The following BACH2 variants were observed in gnomAD, a reference collection of about 807,000 sequenced individuals.
BACH2 encodes BACH transcriptional regulator 2.
In BACH2, 5 loss-of-function variants were observed where a neutral mutation model predicts 61.8. The observed-to-expected ratio is 0.08, with a 90% CI of 0.04 to 0.17. The LOEUF is 0.17. Ranked by LOEUF, BACH2 falls within the 10% of genes least tolerant of loss-of-function variation. The pLI is 1.00. For synonymous variants in BACH2, 446 were observed against 440.1 expected, an observed-to-expected ratio of 1.01 and a Z score of -0.17; for missense variants, 824 against 1,091.1, an observed-to-expected ratio of 0.76 and a Z score of 3.45.
intron 4 of BACH2, among the ~76,000 whole-genome samples, chr6:90,124,036 T>C (rs1783748403): frequency 6.6e-6 from 1 of 152,080 alleles, no homozygotes; most frequent in Admixed American, 6.6e-5. Flanking sequence ...AACTGATATC[T>C]CCACTTAAGG....
chr6:90,026,192 A>C (rs1196800781), intron 5 of BACH2, among the ~76,000 whole-genome samples: 1 of 152,222 alleles, frequency 6.6e-6, no homozygotes, highest in African/African-American at 2.4e-5. Flanking sequence ...TGTCAAACCT[A>C]AGACACAGCC....
At chr6:90,235,556 C>T (rs1035175432) in intron 3 of BACH2, among the ~76,000 whole-genome samples, 2 of 152,206 alleles carry the variant, frequency 1.3e-5, no homozygotes, top group African/African-American at 4.8e-5. Context: ...GATTGTGGCA[C>T]AAGCCTGTAG....
intron 6 of BACH2, among the ~76,000 whole-genome samples, chr6:89,978,842 C>A (rs189918412): frequency 6.6e-6 from 1 of 152,114 alleles, no homozygotes; most frequent in Non-Finnish European, 1.5e-5. Flanking sequence ...TTATAAACAT[C>A]CCCTACTTTC....
intron 4 of BACH2, among the ~76,000 whole-genome samples, chr6:90,165,504 T>C (rs956992681): frequency 2.0e-5 from 3 of 152,122 alleles, no homozygotes; most frequent in African/African-American, 4.8e-5. Context: ...ATAGATTCAA[T>C]GCCATCCCCA....
chr6:90,108,081 C>T (rs116856488), intron 4 of BACH2, among the ~76,000 whole-genome samples: 38 of 152,244 alleles, frequency 2.5e-4, no homozygotes, highest in Non-Finnish European at 4.0e-4. Flanking sequence ...TTTTGCTCTC[C>T]GCTGAGTCTT....
At position 90,226,069 on chromosome 6, in the gene BACH2, C is replaced by T. The variant is rs529675622; in HGVS notation, c.-274-19388G>A. Among the ~76,000 whole-genome samples the T allele has an allele frequency of 2.6e-5, 4 of 152,194 alleles. No individual in the cohort carries two copies. In the South Asian group the frequency reaches 8.3e-4, roughly 32 times the overall value. On this transcript the variant is annotated intron_variant, in intron 3 of 8. Coordinates refer to ENST00000257749, the MANE Select transcript of BACH2 (RefSeq NM_021813.4). ...GCTGTAAAGTTTGAGAACCACTGCC[C>T]TACAGAAAAGGCCCTAAAATAGGAG...
intron 3 of BACH2, among the ~76,000 whole-genome samples, chr6:90,241,213 A>G (rs1770441950): frequency 4.0e-5 from 6 of 151,712 alleles, no homozygotes; most frequent in Admixed American, 2.0e-4. Context: ...TATGTATAAT[A>G]ATAATGTGAT....
intron 3 of BACH2, among the ~76,000 whole-genome samples, chr6:90,249,303 T>C (rs1488349061): frequency 2.0e-5 from 3 of 152,160 alleles, no homozygotes; most frequent in African/African-American, 7.2e-5. Context: ...ATAAAAATCC[T>C]GGCAGATGAT....
intron 6 of BACH2, among the ~76,000 whole-genome samples, chr6:89,980,533 A>G (rs1313401180): frequency 6.6e-6 from 1 of 152,212 alleles, no homozygotes; most frequent in Non-Finnish European, 1.5e-5. Context: ...GTCCAGGGAC[A>G]TAGCTAGACC....
chr6:89,976,445 T>C (rs1487943347), intron 6 of BACH2, among the ~76,000 whole-genome samples: 2 of 152,168 alleles, frequency 1.3e-5, no homozygotes, highest in Non-Finnish European at 2.9e-5. Flanking sequence ...CAAAACAAAC[T>C]TGAAAGATAT....
chr6:90,207,406 C>T lies in BACH2; in HGVS notation c.-274-725G>A, dbSNP rs142099945. Reference sequence around the variant, plus strand: ...CATGCTGGGATTATGAGCCACCATACCTGGCCAGTTTCAAGGTTAATTTGT... The same window carrying T: ...CATGCTGGGATTATGAGCCACCATATCTGGCCAGTTTCAAGGTTAATTTGT... On this transcript the variant is annotated intron_variant, in intron 3 of 8. Coordinates refer to ENST00000257749, the MANE Select transcript of BACH2 (RefSeq NM_021813.4). 7.7e-4 allele frequency among the ~76,000 whole-genome samples: 118 copies of T among 152,258 alleles called. 1 individual carries two copies. The East Asian group carries it at 0.019, about 24-fold the overall frequency.
At chr6:90,103,006 C>CATATATATATATATATATATATATAT (rs1250122835) in intron 4 of BACH2, among the ~76,000 whole-genome samples, 2 of 44,936 alleles carry the variant, frequency 4.5e-5, no homozygotes, top group South Asian at 9.9e-4. Context: ...TGACACAATA[C>CATATATATATATATATATATATATAT]ATATATATAT....
chr6:90,023,799 C>T (rs1778501110), intron 5 of BACH2, among the ~76,000 whole-genome samples: 1 of 152,168 alleles, frequency 6.6e-6, no homozygotes, highest in South Asian at 2.1e-4. Flanking sequence ...TGGCTGTCTG[C>T]AAACCTGGAA....
At chr6:90,082,420 T>C (rs1781761893) in intron 5 of BACH2, among the ~76,000 whole-genome samples, 2 of 152,034 alleles carry the variant, frequency 1.3e-5, no homozygotes, top group South Asian at 4.1e-4. Context: ...TCTGTTCTTA[T>C]AAGAGCTGAT....
At chr6:90,285,144 T>C (rs1267881280) in intron 1 of BACH2, among the ~76,000 whole-genome samples, 1 of 152,196 alleles carries the variant, frequency 6.6e-6, no homozygotes, top group Non-Finnish European at 1.5e-5. Flanking sequence ...CCGATGAAAA[T>C]AAGCAAAACT....
Position 90,018,504 on chromosome 6 carries a change from T to C in BACH2, c.-12-9648A>G, listed in dbSNP as rs1232868150. Among the ~76,000 whole-genome samples the C allele has an allele frequency of 2.6e-5, 4 of 152,224 alleles. No individual in the cohort carries two copies. The East Asian group carries it at 7.7e-4, about 29-fold the overall frequency. The stretch of plus-strand genomic sequence containing the variant: ...ATGTCTTAAAAATCATTATTTCATA[T>C]ATTTTATCTGTTTCTATAGTTGTTT... On this transcript the variant is annotated intron_variant, in intron 5 of 8. Coordinates refer to ENST00000257749, the MANE Select transcript of BACH2 (RefSeq NM_021813.4).
chr6:90,015,764 A>G (rs1000041064), intron 5 of BACH2, among the ~76,000 whole-genome samples: 7 of 152,186 alleles, frequency 4.6e-5, no homozygotes, highest in African/African-American at 1.7e-4. Context: ...TCCTGTAAAT[A>G]TCAATTAGGT....
chr6:90,150,074 CCTTT>C (rs1408289464), intron 4 of BACH2, among the ~76,000 whole-genome samples: 7 of 152,174 alleles, frequency 4.6e-5, no homozygotes, highest in African/African-American at 1.7e-4. Context: ...CCTCCTCTTC[CCTTT>C]CTTATTGTTC....
intron 2 of BACH2, among the ~76,000 whole-genome samples, chr6:90,258,652 G>A (rs1290538937): frequency 6.6e-6 from 1 of 152,018 alleles, no homozygotes; most frequent in Non-Finnish European, 1.5e-5. Context: ...TATTGCTTTG[G>A]GTACTATGGA....
Sources: allele counts gnomAD v4.1 joint callset (sites outside exome capture counted in the v4.1 genomes callset), GRCh38; gene constraint gnomAD v4.1.1; transcripts MANE v1.5; gene names NCBI Gene and HGNC (gene_info 2026-07-23, HGNC 2026-07-21).